The following ADGRB3 variants were observed in gnomAD, a reference collection of about 807,000 sequenced individuals.
The protein encoded by ADGRB3 is adhesion G protein-coupled receptor B3.
In ADGRB3, 37 loss-of-function variants were observed where a neutral mutation model predicts 193.4. The ratio of observed to expected loss-of-function variants is 0.19; its 90% CI spans 0.15 to 0.25. ADGRB3 has a LOEUF of 0.25. Among genes scored for constraint, ADGRB3 ranks in the 10% least tolerant of loss-of-function variants. The pLI, the probability that ADGRB3 is intolerant of heterozygous loss-of-function variation, is 1.00. For synonymous variants in ADGRB3, 690 were observed against 644.2 expected, an observed-to-expected ratio of 1.07 and a Z score of -1.08; for missense variants, 1,637 against 1,852.9, an observed-to-expected ratio of 0.88 and a Z score of 2.14.
At chr6:68,905,957 A>G (rs1766533785) in intron 3 of ADGRB3, among the ~76,000 whole-genome samples, 2 of 152,136 alleles carry the variant, frequency 1.3e-5, no homozygotes, top group East Asian at 3.9e-4. Context: ...TTTGTTAAAA[A>G]AAAAGTTTCC....
intron 17 of ADGRB3, among the ~76,000 whole-genome samples, chr6:69,164,123 T>G (rs1775069781): frequency 6.6e-6 from 1 of 152,084 alleles, no homozygotes; most frequent in Non-Finnish European, 1.5e-5. Flanking sequence ...ACCCTTCTCT[T>G]CCTCTGTTCG....
At chr6:69,047,910 A>C (rs1366025595) in intron 13 of ADGRB3, among the ~76,000 whole-genome samples, 1 of 152,190 alleles carries the variant, frequency 6.6e-6, no homozygotes, top group African/African-American at 2.4e-5. Context: ...TCAATATAGC[A>C]GTGCCTGTTA....
intron 17 of ADGRB3, among the ~76,000 whole-genome samples, chr6:69,086,487 C>T (rs993030421): frequency 6.6e-6 from 1 of 152,100 alleles, no homozygotes; most frequent in African/African-American, 2.4e-5. Flanking sequence ...GTAGATGGCA[C>T]TATTTCCTGC....
At chr6:68,661,067 A>G (rs1176302510) in intron 3 of ADGRB3, among the ~76,000 whole-genome samples, 4 of 150,516 alleles carry the variant, frequency 2.7e-5, no homozygotes, top group Non-Finnish European at 4.5e-5. Flanking sequence ...GATTTTATAT[A>G]CAAAAAAATG....
intron 3 of ADGRB3, among the ~76,000 whole-genome samples, chr6:68,869,925 C>T (rs979511340): frequency 7.9e-5 from 12 of 152,114 alleles, no homozygotes; most frequent in Non-Finnish European, 1.0e-4. Context: ...ATTATAGGCA[C>T]AGGCCACCAT....
At chr6:69,278,475 A>AT (rs1183058641) in intron 20 of ADGRB3, among the ~76,000 whole-genome samples, 2 of 152,118 alleles carry the variant, frequency 1.3e-5, no homozygotes, top group Non-Finnish European at 2.9e-5. Flanking sequence ...CTTGTACATT[A>AT]TTCCCCCCCA....
At chr6:69,062,858 C>A (rs1771788279) in intron 15 of ADGRB3, 76 bp from the exon 16 acceptor site, 3 of 1,040,996 alleles carry the variant, frequency 2.9e-6, no homozygotes, top group Non-Finnish European at 1.4e-6. Context: ...GAAACCATCC[C>A]AAAATGTATT....
chr6:69,000,552 C>T (rs1335241032), intron 11 of ADGRB3, among the ~76,000 whole-genome samples: 4 of 152,152 alleles, frequency 2.6e-5, no homozygotes, highest in African/African-American at 4.8e-5. Flanking sequence ...ACTACTTCAG[C>T]ACCATTCTGG....
chr6:69,153,056 T>C (rs1774723475), intron 17 of ADGRB3, among the ~76,000 whole-genome samples: 1 of 152,020 alleles, frequency 6.6e-6, no homozygotes, highest in Admixed American at 6.6e-5. Context: ...GCTATAGAAG[T>C]TAATTTCACA....
chr6:69,136,175 T>A lies in ADGRB3; in HGVS notation c.2480+60137T>A, dbSNP rs528448254. On this transcript the variant is annotated intron_variant, in intron 17 of 31. Coordinates refer to ENST00000370598, the MANE Select transcript of ADGRB3 (RefSeq NM_001704.3). ...GGCTGTGTGTGTATATACTCAAATA[T>A]ATGTATGTAGTTGTAAATAGGATGC... 7.9e-5 allele frequency among the ~76,000 whole-genome samples: 12 copies of A among 152,136 alleles called. No individual in the cohort carries two copies. The East Asian group carries it at 2.3e-3, about 29-fold the overall frequency.
At chr6:69,066,082 G>A (rs1650698665) in intron 16 of ADGRB3, among the ~76,000 whole-genome samples, 1 of 151,350 alleles carries the variant, frequency 6.6e-6, no homozygotes. Context: ...ATCTGCAAGG[G>A]GTTCTGGAAC....
At chr6:68,885,161 AAACTGGGAG>A (rs1765872900) in intron 3 of ADGRB3, among the ~76,000 whole-genome samples, 1 of 152,274 alleles carries the variant, frequency 6.6e-6, no homozygotes, top group Admixed American at 6.5e-5. Context: ...GGATCTTATA[AAACTGGGAG>A]AATTTGAATG....
chr6:69,327,856 T>C lies in ADGRB3; in HGVS notation c.3002T>C (p.Phe1001Ser). 1 of 1,610,788 alleles carries C rather than the reference T, an allele frequency of 6.2e-7. No homozygotes were observed. Among genetic ancestry groups the C allele is most frequent in the Non-Finnish European group, 8.5e-7 (1 of 1,177,546 alleles). Residue 1001 changes from phenylalanine (F) to serine (S), a missense_variant, in exon 22 of 32, where the codon TTC becomes TCC. Physicochemically the swap from Phe to Ser is radical, Grantham distance 155. Transcript: ENST00000370598. ...TTAGTAGTGGCCACATCAGTAGGCT[T>C]CACCAGAACAAAAGGATATGGCACT... ...PALVVATSVGFTRTKGYGTDH... is the reference protein window; with the variant it reads ...PALVVATSVGSTRTKGYGTDH...
At chr6:68,752,823 G>T (rs1330998942) in intron 3 of ADGRB3, among the ~76,000 whole-genome samples, 1 of 152,156 alleles carries the variant, frequency 6.6e-6, no homozygotes, top group Non-Finnish European at 1.5e-5. Flanking sequence ...ATGGGTAAAT[G>T]TTGGTATACA....
intron 3 of ADGRB3, among the ~76,000 whole-genome samples, chr6:68,701,775 T>G (rs188928862): frequency 6.6e-6 from 1 of 152,310 alleles, no homozygotes; most frequent in Admixed American, 6.5e-5. Context: ...TCATTATTGT[T>G]GTTCTGCCTC....
At chr6:68,986,519 C>T (rs1347287094) in intron 10 of ADGRB3, among the ~76,000 whole-genome samples, 2 of 152,072 alleles carry the variant, frequency 1.3e-5, no homozygotes, top group African/African-American at 4.8e-5. Context: ...ATTCATTTAC[C>T]AGAACTAAGG....
chr6:69,189,308 G>C (rs746006979), intron 17 of ADGRB3, among the ~76,000 whole-genome samples: 1 of 152,028 alleles, frequency 6.6e-6, no homozygotes, highest in Non-Finnish European at 1.5e-5. Context: ...TTCACCTAAG[G>C]CTCATTATCA....
At chr6:69,285,162 G>A (rs548989606) in intron 20 of ADGRB3, among the ~76,000 whole-genome samples, 13 of 152,294 alleles carry the variant, frequency 8.5e-5, no homozygotes, top group African/African-American at 3.1e-4. Context: ...TAGTTCCAAT[G>A]ATCAAGAAGT....
chr6:68,713,315 T>G (rs1765435517), intron 3 of ADGRB3, among the ~76,000 whole-genome samples: 5 of 151,866 alleles, frequency 3.3e-5, no homozygotes, highest in Admixed American at 1.3e-4. Flanking sequence ...TTACTTGCTC[T>G]CATTGAAAAT....
Sources: gnomAD v4.1 joint callset for allele counts (sites outside exome capture counted in the v4.1 genomes callset) on GRCh38, gnomAD v4.1.1 for gene constraint, MANE v1.5 for transcripts, NCBI Gene and HGNC (gene_info 2026-07-23, HGNC 2026-07-21) for gene names.